The following SCLT1 variants were observed in gnomAD, a reference collection of about 807,000 sequenced individuals.
The protein encoded by SCLT1 is sodium channel and clathrin linker 1, also known as sodium channel-associated protein 1.
Under a neutral mutation model 112.8 loss-of-function variants are expected in SCLT1, and 78 were observed. The observed-to-expected ratio is 0.69, with a 90% confidence interval of 0.58 to 0.83. SCLT1 has a LOEUF of 0.83. SCLT1 is among the 40% of genes least tolerant of loss of function. SCLT1 has a pLI of 0.00. For missense variants in SCLT1, 747 were observed against 770.4 expected (o/e 0.97, Z 0.36); for synonymous variants, 257 against 254.7 (o/e 1.01, Z -0.09).
intron 18 of SCLT1, among the ~76,000 whole-genome samples, chr4:128,911,641 T>C (rs1159743987): frequency 6.6e-6 from 1 of 152,212 alleles, no homozygotes; most frequent in Non-Finnish European, 1.5e-5. Flanking sequence ...TAGTTACTTA[T>C]GGGTAGATAA....
intron 5 of SCLT1, among the ~76,000 whole-genome samples, chr4:129,006,231 G>T (rs993242622): frequency 6.6e-6 from 1 of 151,990 alleles, no homozygotes; most frequent in Non-Finnish European, 1.5e-5. Flanking sequence ...CTGACAGTAA[G>T]ACAGTTTTTA....
chr4:128,953,512 A>G (rs560373435), intron 13 of SCLT1, among the ~76,000 whole-genome samples: 1 of 152,318 alleles, frequency 6.6e-6, no homozygotes, highest in South Asian at 2.1e-4. Context: ...AACTGCTGCT[A>G]TAAAGCAAGT....
chr4:128,975,264 C>T (rs542083268), intron 9 of SCLT1, among the ~76,000 whole-genome samples: 1 of 152,142 alleles, frequency 6.6e-6, no homozygotes, highest in South Asian at 2.1e-4. Context: ...CGGTCTCGAT[C>T]TGCTGACCTC....
intron 18 of SCLT1, among the ~76,000 whole-genome samples, chr4:128,902,205 G>A (rs566432115): frequency 5.9e-5 from 9 of 152,254 alleles, no homozygotes; most frequent in South Asian, 2.1e-4. Flanking sequence ...GTACCCAGGA[G>A]AAACTTTTAA....
chr4:128,965,231 T>C lies in SCLT1; in HGVS notation c.865A>G (p.Ile289Val). Residue 289 changes from isoleucine (I) to valine (V), a missense_variant, in exon 11 of 21, where the codon ATA becomes GTA. Physicochemically the swap from Ile to Val is conservative, Grantham distance 29 (BLOSUM62 3). Coordinates refer to ENST00000281142, the MANE Select transcript of SCLT1 (RefSeq NM_144643.4). The stretch of plus-strand genomic sequence containing the variant: ...TAGGTGCATTTAACAATTTACCTTA[T>C]TTCTAATTGTTTTATACTAGACTGT... ...QLQSSIKQLE[I>V]RLCVTIQEAN... 3.9e-6 allele frequency: 6 copies of C among 1,545,438 alleles called. No homozygotes were observed. The highest frequency in any genetic ancestry group is 4.5e-6 in the Non-Finnish European group (5 of 1,120,308).
At chr4:128,914,046 G>A (rs992876628) in intron 18 of SCLT1, among the ~76,000 whole-genome samples, 2 of 152,138 alleles carry the variant, frequency 1.3e-5, no homozygotes, top group East Asian at 1.9e-4. Flanking sequence ...AGCACTGGGC[G>A]ATTTGGATAT....
chr4:128,938,439 G>C (rs959914471), intron 17 of SCLT1, among the ~76,000 whole-genome samples: 2 of 152,126 alleles, frequency 1.3e-5, no homozygotes, highest in African/African-American at 4.8e-5. Context: ...ACAGACACTG[G>C]AAAACCAATC....
At chr4:128,875,486 A>G (rs1732491023) in intron 4 of SCLT1, among the ~76,000 whole-genome samples, 2 of 150,898 alleles carry the variant, frequency 1.3e-5, no homozygotes, top group Non-Finnish European at 3.0e-5. Flanking sequence ...TGAAAACAGA[A>G]TCGTTGAAAC....
intron 7 of SCLT1, 118 bp downstream of exon 7, chr4:128,999,554 A>C: frequency 1.7e-6 from 1 of 574,528 alleles, no homozygotes; most frequent in Non-Finnish European, 2.9e-6. Flanking sequence ...ATAAATAATA[A>C]AGTGATTAGA....
chr4:129,014,044 G>C (rs1579702438), intron 5 of SCLT1, among the ~76,000 whole-genome samples: 1 of 152,052 alleles, frequency 6.6e-6, no homozygotes, highest in East Asian at 1.9e-4. Context: ...TGATTGTCTT[G>C]TTTCAGAAAT....
intron 8 of SCLT1, among the ~76,000 whole-genome samples, chr4:128,993,453 T>C (rs1015639191): frequency 2.0e-5 from 3 of 152,054 alleles, no homozygotes; most frequent in Non-Finnish European, 4.4e-5. Flanking sequence ...ACCTCAAAGA[T>C]AGAATTACAT....
At chr4:129,070,335 C>G (rs1750887228) in intron 2 of SCLT1, among the ~76,000 whole-genome samples, 1 of 151,780 alleles carries the variant, frequency 6.6e-6, no homozygotes, top group African/African-American at 2.4e-5. Flanking sequence ...GTATTGGCAC[C>G]AATTCTTCTT....
chr4:128,894,411 CACAG>C (rs1453405293), intron 18 of SCLT1, among the ~76,000 whole-genome samples: 3 of 113,654 alleles, frequency 2.6e-5, no homozygotes, highest in Non-Finnish European at 5.6e-5. Context: ...CACACACACA[CACAG>C]AGTATATGTG....
At chr4:128,941,010 T>G (rs1737647819) in intron 17 of SCLT1, among the ~76,000 whole-genome samples, 1 of 152,202 alleles carries the variant, frequency 6.6e-6, no homozygotes, top group African/African-American at 2.4e-5. Flanking sequence ...CTACTGTTTT[T>G]TTTTCTTAGA....
intron 18 of SCLT1, among the ~76,000 whole-genome samples, chr4:128,914,352 A>G (rs1458129892): frequency 6.6e-6 from 1 of 152,082 alleles, no homozygotes; most frequent in Non-Finnish European, 1.5e-5. Flanking sequence ...CGAAAGAGCG[A>G]AACTCCGTCT....
At chr4:129,009,414 T>C (rs572271086) in intron 5 of SCLT1, among the ~76,000 whole-genome samples, 4 of 151,582 alleles carry the variant, frequency 2.6e-5, no homozygotes, top group Admixed American at 2.0e-4. Context: ...CTTGGGAGGC[T>C]GAGGCAGGAG....
chr4:129,012,525 C>T (rs1579695831), intron 5 of SCLT1, among the ~76,000 whole-genome samples: 1 of 152,166 alleles, frequency 6.6e-6, no homozygotes, highest in African/African-American at 2.4e-5. Context: ...ATATAGATGT[C>T]TCTCAGGTCC....
At chr4:128,946,237 AT>A in intron 15 of SCLT1, 85 bp from the exon 16 acceptor site, 1 of 809,622 alleles carries the variant, frequency 1.2e-6, no homozygotes, top group Non-Finnish European at 1.9e-6. Flanking sequence ...AATGGAAGAA[AT>A]AAAAAGCCAT....
rs781506100 is a variant in SCLT1, at chr4:129,060,493, AC to A, written c.103-16443del. Among the ~76,000 whole-genome samples, 16 of 152,252 alleles carry A rather than the reference AC, an allele frequency of 1.1e-4. No homozygotes were observed. In the South Asian group the frequency reaches 1.2e-3, roughly 12 times the overall value. On this transcript the variant is annotated intron_variant, in intron 2 of 20. Transcript: ENST00000281142. ...ATAGTTTTCATAGAGAAATACTTTC[AC>A]CTGCAGTTGGGCTTTAGTGTACCAG... is the stretch of plus-strand genomic sequence containing the variant.
Sources: allele counts gnomAD v4.1 joint callset (sites outside exome capture counted in the v4.1 genomes callset), GRCh38; gene constraint gnomAD v4.1.1; transcripts MANE v1.5; gene names NCBI Gene and HGNC (gene_info 2026-07-23, HGNC 2026-07-21).